The following AGBL4 variants were observed in gnomAD, a reference collection of about 807,000 sequenced individuals.
The protein encoded by AGBL4 is AGBL carboxypeptidase 4, also known as cytosolic carboxypeptidase 6.
In AGBL4, 58 loss-of-function variants were observed where a neutral mutation model predicts 66.4. That is an observed-to-expected ratio of 0.87 (90% CI 0.71 to 1.09). The LOEUF is 1.09. AGBL4 is among the 50% of genes least tolerant of loss of function. The pLI is 0.00. For synonymous variants in AGBL4, 234 were observed against 222.9 expected (o/e 1.05, Z -0.44); for missense variants, 579 against 631.0 (o/e 0.92, Z 0.88).
intron 1 of AGBL4, among the ~76,000 whole-genome samples, chr1:49,883,378 C>T (rs1199509398): frequency 6.6e-6 from 1 of 152,016 alleles, no homozygotes; most frequent in East Asian, 1.9e-4. Flanking sequence ...ATCTGACTTC[C>T]CCAAGCAAAG....
At chr1:49,757,419 T>C (rs1651971898) in intron 2 of AGBL4, among the ~76,000 whole-genome samples, 1 of 152,116 alleles carries the variant, frequency 6.6e-6, no homozygotes, top group Non-Finnish European at 1.5e-5. Flanking sequence ...CAGGCAGACA[T>C]TGGAACAGTT....
chr1:49,044,747 A>C (rs1644035259), intron 5 of AGBL4, among the ~76,000 whole-genome samples: 1 of 152,180 alleles, frequency 6.6e-6, no homozygotes, highest in South Asian at 2.1e-4. Flanking sequence ...CAGCATGAAA[A>C]AGACTCAACC....
At chr1:48,692,812 C>T (rs756238870) in intron 6 of AGBL4, among the ~76,000 whole-genome samples, 2 of 152,180 alleles carry the variant, frequency 1.3e-5, no homozygotes, top group Non-Finnish European at 2.9e-5. Context: ...CCTCTTCTTA[C>T]ACAGGGAAAT....
At chr1:49,759,517 T>A (rs1652145241) in intron 2 of AGBL4, among the ~76,000 whole-genome samples, 1 of 152,158 alleles carries the variant, frequency 6.6e-6, no homozygotes, top group Non-Finnish European at 1.5e-5. Flanking sequence ...ACTAAGCATA[T>A]CTGGGTAATG....
At chr1:48,993,973 G>T (rs1470279560) in intron 5 of AGBL4, among the ~76,000 whole-genome samples, 2 of 152,096 alleles carry the variant, frequency 1.3e-5, no homozygotes, top group African/African-American at 4.8e-5. Flanking sequence ...CCTAATTTTT[G>T]GTTCTTAGAA....
intron 3 of AGBL4, among the ~76,000 whole-genome samples, chr1:49,541,776 G>A (rs1292222294): frequency 1.3e-5 from 2 of 152,232 alleles, no homozygotes; most frequent in Non-Finnish European, 2.9e-5. Context: ...AAGCCAGCTG[G>A]GCTCCTGAGT....
chr1:49,852,612 C>T (rs774955635), intron 1 of AGBL4, among the ~76,000 whole-genome samples: 2 of 152,010 alleles, frequency 1.3e-5, no homozygotes, highest in Non-Finnish European at 2.9e-5. Context: ...GGAGAAATAA[C>T]GAACTTATCA....
At chr1:49,015,193 T>C (rs1264045111) in intron 5 of AGBL4, among the ~76,000 whole-genome samples, 1 of 152,060 alleles carries the variant, frequency 6.6e-6, no homozygotes, top group Non-Finnish European at 1.5e-5. Context: ...GGGGTTTTTT[T>C]GGGGGGAGTT....
intron 1 of AGBL4, 107 bp from the exon 2 acceptor site, chr1:49,851,625 G>T: frequency 2.6e-6 from 3 of 1,149,680 alleles, no homozygotes; most frequent in Middle Eastern, 2.1e-4. Flanking sequence ...GTTAACCCAA[G>T]CAAAAAGAAG....
At chr1:49,648,617 G>A (rs1190397808) in intron 3 of AGBL4, among the ~76,000 whole-genome samples, 1 of 151,870 alleles carries the variant, frequency 6.6e-6, no homozygotes, top group African/African-American at 2.4e-5. Context: ...AAAGAATACA[G>A]AGGAAATAAC....
At chr1:49,293,624 CTAAG>C (rs1250459723) in intron 3 of AGBL4, among the ~76,000 whole-genome samples, 1 of 152,168 alleles carries the variant, frequency 6.6e-6, no homozygotes, top group Non-Finnish European at 1.5e-5. Flanking sequence ...TCTTTGAGCA[CTAAG>C]TGTCTGTAAT....
intron 10 of AGBL4, among the ~76,000 whole-genome samples, chr1:48,590,299 G>A (rs1414381059): frequency 2.0e-5 from 3 of 151,708 alleles, no homozygotes; most frequent in Admixed American, 6.6e-5. Flanking sequence ...CCAGCTACTC[G>A]GGAGGCTGAG....
chr1:49,269,971 C>G (rs1644019181), intron 3 of AGBL4, among the ~76,000 whole-genome samples: 1 of 152,126 alleles, frequency 6.6e-6, no homozygotes, highest in Non-Finnish European at 1.5e-5. Flanking sequence ...CCTAGGACCT[C>G]ATAAACTGAT....
Position 48,702,354 on chromosome 1 carries a change from C to T in AGBL4, c.635-39113G>A, listed in dbSNP as rs1411387608. 5.3e-5 allele frequency among the ~76,000 whole-genome samples: 8 copies of T among 152,074 alleles called. No individual in the cohort carries two copies. The South Asian group carries it at 1.0e-3, about 20-fold the overall frequency. Reference sequence around the variant, plus strand: ...TTGCCCAGGCTGGAGTGCAATGACACGATCTCTGCTCACTGCAACCTCCAC... The same window carrying T: ...TTGCCCAGGCTGGAGTGCAATGACATGATCTCTGCTCACTGCAACCTCCAC... On this transcript the variant is annotated intron_variant, in intron 6 of 13. Transcript: ENST00000371839.
intron 9 of AGBL4, among the ~76,000 whole-genome samples, chr1:48,612,908 C>T (rs576207913): frequency 9.3e-4 from 141 of 152,158 alleles, no homozygotes; most frequent in Admixed American, 2.2e-3. Context: ...CCAAGGCGGG[C>T]GGATCACCTG....
In AGBL4 at chr1:48,873,534, G is replaced by A. The variant is rs530103654; in HGVS notation, c.595-6304C>T. Reference sequence around the variant, plus strand: ...TCTCTAGTGGTTGTGTGAGTTTCCTGAAGGCAGGCGCTGTGCCCTCTTTAT... The same window carrying A: ...TCTCTAGTGGTTGTGTGAGTTTCCTAAAGGCAGGCGCTGTGCCCTCTTTAT... On this transcript the variant is annotated intron_variant, in intron 5 of 13. Coordinates refer to ENST00000371839, the MANE Select transcript of AGBL4 (RefSeq NM_032785.4). Among the ~76,000 whole-genome samples the A allele has an allele frequency of 2.0e-5, 3 of 152,194 alleles. No homozygotes were observed. The South Asian group carries it at 6.2e-4, about 32-fold the overall frequency.
intron 5 of AGBL4, among the ~76,000 whole-genome samples, chr1:48,979,391 AACAG>A (rs1659574182): frequency 6.6e-6 from 1 of 152,156 alleles, no homozygotes; most frequent in African/African-American, 2.4e-5. Context: ...AAGAAGTAAA[AACAG>A]ACACATTCCC....
chr1:49,202,573 T>C (rs1353986302), intron 4 of AGBL4, among the ~76,000 whole-genome samples: 1 of 151,972 alleles, frequency 6.6e-6, no homozygotes, highest in Non-Finnish European at 1.5e-5. Context: ...GATATCCACA[T>C]TGAAAAAAAT....
At position 49,316,381 on chromosome 1, in the gene AGBL4, T is replaced by C. The variant is rs192065003; in HGVS notation, c.283-70517A>G. Among the ~76,000 whole-genome samples, 9 of 151,998 alleles carry C rather than the reference T, an allele frequency of 5.9e-5. No individual in the cohort carries two copies. In the East Asian group the frequency reaches 1.4e-3, roughly 23 times the overall value. On this transcript the variant is annotated intron_variant, in intron 3 of 13. Transcript: ENST00000371839. Reference sequence around the variant, plus strand: ...GTGGTGAGGGGGTAAACAAAACATCTGTAAATTTCATTCAATTTTTTCCGT... The same window carrying C: ...GTGGTGAGGGGGTAAACAAAACATCCGTAAATTTCATTCAATTTTTTCCGT...
Sources: gnomAD v4.1 joint callset for allele counts (sites outside exome capture counted in the v4.1 genomes callset) on GRCh38, gnomAD v4.1.1 for gene constraint, MANE v1.5 for transcripts, NCBI Gene and HGNC (gene_info 2026-07-23, HGNC 2026-07-21) for gene names.